PRTN3: variants seen among roughly 807,000 people sequenced by gnomAD.
PRTN3 encodes the protein myeloblastin.
Under a neutral mutation model 20.7 loss-of-function variants are expected in PRTN3, and 22 were observed. The ratio of observed to expected loss-of-function variants is 1.06; its 90% CI spans 0.76 to 1.52. The LOEUF is 1.52. PRTN3 is among the 40% of genes most tolerant of loss of function. The pLI, the probability that PRTN3 is intolerant of heterozygous loss-of-function variation, is 0.00. For missense variants in PRTN3, 378 were observed against 359.6 expected, an observed-to-expected ratio of 1.05 and a Z score of -0.41; for synonymous variants, 173 against 152.9, an observed-to-expected ratio of 1.13 and a Z score of -0.97.
chr19:842,784 C>T (rs1440079882), intron 1 of PRTN3, among the ~76,000 whole-genome samples: 1 of 151,944 alleles, frequency 6.6e-6, no homozygotes, highest in African/African-American at 2.4e-5. Context: ...GACAGGGTTT[C>T]ACCATGTTGG....
At chr19:847,773 G>A (rs1237761112) in intron 4 of PRTN3, 26 bp from the exon 5 acceptor site, 1 of 1,593,030 alleles carries the variant, frequency 6.3e-7, no homozygotes, top group Non-Finnish European at 8.6e-7. Flanking sequence ...GCCCCTGATG[G>A]GTGACTGGCC....
intron 1 of PRTN3, among the ~76,000 whole-genome samples, chr19:842,017 G>A (rs2035450834): frequency 7.6e-6 from 1 of 131,982 alleles, no homozygotes; most frequent in Non-Finnish European, 1.6e-5. Flanking sequence ...GTGAGCCACC[G>A]CGCCTGGCCC....
intron 4 of PRTN3, 120 bp downstream of exon 4, chr19:846,497 T>A: frequency 1.9e-6 from 2 of 1,076,264 alleles, no homozygotes; most frequent in Non-Finnish European, 2.6e-6. Context: ...TCTCCCCACC[T>A]GGAAGGTGGG....
At chr19:841,508 G>A (rs570318457) in intron 1 of PRTN3, among the ~76,000 whole-genome samples, 61 of 147,530 alleles carry the variant, frequency 4.1e-4, no homozygotes, top group African/African-American at 1.4e-3. Context: ...GAGTGAATGA[G>A]TGAACGAATG....
At chr19:844,131 A>G in intron 3 of PRTN3, 97 bp downstream of exon 3, 2 of 1,447,580 alleles carry the variant, frequency 1.4e-6, no homozygotes, top group Non-Finnish European at 1.8e-6. Flanking sequence ...CCCACTGTAT[A>G]CCGGGCCACG....
intron 3 of PRTN3, among the ~76,000 whole-genome samples, chr19:844,884 T>G (rs1032899371): frequency 6.6e-6 from 1 of 151,686 alleles, no homozygotes; most frequent in African/African-American, 2.4e-5. Context: ...GGAGGATCAC[T>G]TGAGGCCAGG....
intron 3 of PRTN3, 75 bp downstream of exon 3, chr19:844,109 A>T: frequency 6.7e-7 from 1 of 1,503,672 alleles, no homozygotes; most frequent in African/African-American, 1.4e-5. Flanking sequence ...TGCAGCCAGC[A>T]TTCATTGAGC....
At position 847,869 on chromosome 19, in the gene PRTN3, G is replaced by A. The variant is rs777253130; in HGVS notation, c.671G>A (p.Cys224Tyr). Residue 224 changes from cysteine to tyrosine, a missense_variant, in exon 5 of 5, where the codon TGT becomes TAT. Cys to Tyr is a radical substitution (Grantham distance 194). Coordinates refer to ENST00000234347, the MANE Select transcript of PRTN3 (RefSeq NM_002777.4). ...QGIDSFVIWG[C>Y]ATRLFPDFFT... ...ATAGACTCCTTCGTGATCTGGGGAT[G>A]TGCCACCCGCCTTTTCCCTGACTTC... The A allele has an allele frequency of 2.5e-6, 4 of 1,608,068 alleles. No homozygotes were observed. In the Admixed American group the frequency reaches 6.7e-5, roughly 27 times the overall value.
rs748550892 is a variant in PRTN3, at chr19:843,912, G to A, written c.247G>A (p.Val83Met). 1.5e-5 allele frequency: 24 copies of A among 1,595,690 alleles called. No individual in the cohort carries two copies. Among genetic ancestry groups the A allele is most frequent in the East Asian group, 2.3e-5 (1 of 44,156 alleles). The change falls in exon 3 of 5, where the codon GTG (valine) becomes ATG (methionine). Residue 83 changes from valine (V) to methionine (M), a missense_variant. Physicochemically the swap from Val to Met is conservative, Grantham distance 21. Transcript: ENST00000234347. ...CCGCAGACCCCAGCGCCTGGTGAAC[G>A]TGGTGCTCGGAGCCCACAACGTGCG... ...LRDIPQRLVN[V>M]VLGAHNVRTQ...
chr19:843,010 G>A (rs1340152617), intron 1 of PRTN3, among the ~76,000 whole-genome samples: 1 of 152,108 alleles, frequency 6.6e-6, no homozygotes, highest in African/African-American at 2.4e-5. Context: ...GACCTCCTGG[G>A]CTCAAGCGAT....
In PRTN3 at chr19:844,038, G is replaced by A. The variant is rs762913894; in HGVS notation, c.369+4G>A. On this transcript the variant is annotated splice_donor_region_variant and intron_variant, in intron 3 of 4. Coordinates refer to ENST00000234347, the MANE Select transcript of PRTN3 (RefSeq NM_002777.4). Reference sequence around the variant, plus strand: ...GAACGACGTTCTCCTCATCCAGGTGGGCGGGCAGGGCCGCGAGGGCTCGGA... The same window carrying A: ...GAACGACGTTCTCCTCATCCAGGTGAGCGGGCAGGGCCGCGAGGGCTCGGA... The A allele has an allele frequency of 3.7e-6, 6 of 1,600,034 alleles. No homozygotes were observed. The South Asian group carries it at 6.8e-5, about 18-fold the overall frequency.
intron 4 of PRTN3, among the ~76,000 whole-genome samples, 157 bp downstream of exon 4, chr19:846,534 C>T (rs938426449): frequency 6.6e-6 from 1 of 151,684 alleles, no homozygotes; most frequent in Non-Finnish European, 1.5e-5. Flanking sequence ...CGGGCAGGCT[C>T]AGCGGGGTGG....
At position 846,120 on chromosome 19, in the gene PRTN3, C is replaced by T. The variant is rs1281509869; in HGVS notation, c.370-27C>T. On this transcript the variant is annotated intron_variant, in intron 3 of 4. Coordinates refer to ENST00000234347, the MANE Select transcript of PRTN3 (RefSeq NM_002777.4). The stretch of plus-strand genomic sequence containing the variant: ...GGCCACCGTGACCTGGAAGCAGCGT[C>T]TCACCGCCGCCTGCCTTCTGCCCCA... 8.6e-6 allele frequency: 12 copies of T among 1,401,154 alleles called. 1 individual carries two copies. The South Asian group carries it at 1.7e-4, about 20-fold the overall frequency. The allele number at this position is 1,401,154 out of a possible 1,614,324, so 86.8% of individuals were successfully genotyped here.
In PRTN3 at chr19:843,938, G is replaced by A. The variant is rs2035480050; in HGVS notation, c.273G>A (p.Arg91=). ...TGGTGCTCGGAGCCCACAACGTGCG[G>A]ACGCAGGAGCCCACCCAGCAGCACT... ...VNVVLGAHNV[R]TQEPTQQHFS... Residue 91 remains arginine, a synonymous_variant, in exon 3 of 5, where the codon CGG becomes CGA. Coordinates refer to ENST00000234347, the MANE Select transcript of PRTN3 (RefSeq NM_002777.4). 4 of 1,600,110 alleles carry A rather than the reference G, an allele frequency of 2.5e-6. No individual in the cohort carries two copies. The highest frequency in any genetic ancestry group is 3.4e-6 in the Non-Finnish European group (4 of 1,174,346).
chr19:844,190 G>A (rs148866427), intron 3 of PRTN3, among the ~76,000 whole-genome samples, 156 bp downstream of exon 3: 1,885 of 144,128 alleles, frequency 0.013, 54 homozygotes, highest in African/African-American at 0.047. Flanking sequence ...GGGGGAGACC[G>A]CTCCTTGGAC....
Position 843,493 on chromosome 19 carries a change from C to A in PRTN3, c.94C>A (p.His32Asn). 6.3e-7 allele frequency: 1 copy of A among 1,581,316 alleles called. No individual in the cohort carries two copies. Among genetic ancestry groups the A allele is most frequent in the Non-Finnish European group, 8.6e-7 (1 of 1,167,642 alleles). ...CCGAGCTGCGGAGATCGTGGGCGGG[C>A]ACGAGGCGCAGCCACACTCCCGGCC... ...AARAAEIVGG[H>N]EAQPHSRPYM... Residue 32 changes from histidine (H) to asparagine (N), a missense_variant, in exon 2 of 5, where the codon CAC (histidine) becomes AAC (asparagine). Coordinates refer to ENST00000234347, the MANE Select transcript of PRTN3 (RefSeq NM_002777.4).
rs137941303 is a variant in PRTN3 at position 846,324 on chromosome 19, C to T, written c.547C>T (p.Arg183Trp). 6.2e-5 allele frequency: 99 copies of T among 1,591,312 alleles called. No homozygotes were observed. Among genetic ancestry groups the T allele is most frequent in the South Asian group, 1.3e-4 (11 of 87,444 alleles). ...TGTCACCGTGGTCACCTTCTTCTGC[C>T]GGCCACATAACATTTGCACTTTCGT... ...LNVTVVTFFC[R>W]PHNICTFVPR... The change falls in exon 4 of 5, where the codon CGG (arginine) becomes TGG (tryptophan). Residue 183 changes from arginine (R) to tryptophan (W), a missense_variant. Coordinates refer to ENST00000234347, the MANE Select transcript of PRTN3 (RefSeq NM_002777.4).
intron 3 of PRTN3, among the ~76,000 whole-genome samples, chr19:844,316 GCC>G (rs1407782112): frequency 2.7e-5 from 2 of 74,340 alleles, no homozygotes; most frequent in East Asian, 1.1e-3. Flanking sequence ...CCTCTCCCCC[GCC>G]CGCGCCTCTC....
At chr19:842,599 T>C (rs914849575) in intron 1 of PRTN3, among the ~76,000 whole-genome samples, 1 of 138,748 alleles carries the variant, frequency 7.2e-6, no homozygotes. Flanking sequence ...TTTTTTTTTT[T>C]TTTTTTTGAG....
Sources: gnomAD v4.1 joint callset for allele counts (sites outside exome capture counted in the v4.1 genomes callset) on GRCh38, gnomAD v4.1.1 for gene constraint, MANE v1.5 for transcripts, NCBI Gene and HGNC (gene_info 2026-07-23, HGNC 2026-07-21) for gene names.